The following CDKL3 variants were observed in gnomAD, a reference collection of about 807,000 sequenced individuals.
CDKL3 encodes the protein cyclin dependent kinase like 3.
In CDKL3, 65 loss-of-function variants were observed where a neutral mutation model predicts 69.3. The ratio of observed to expected loss-of-function variants is 0.94; its 90% CI spans 0.77 to 1.15. The LOEUF (loss-of-function observed/expected upper bound fraction) is 1.15, where lower values mean the gene tolerates loss of function less well. CDKL3 is among the 50% of genes most tolerant of loss of function. The pLI is 0.00. For missense variants in CDKL3, 652 were observed against 689.2 expected (o/e 0.95, Z 0.61); for synonymous variants, 202 against 221.6 (o/e 0.91, Z 0.79).
At chr5:134,353,552 A>G (rs1581192635) in intron 3 of CDKL3, among the ~76,000 whole-genome samples, 1 of 134,504 alleles carries the variant, frequency 7.4e-6, no homozygotes, top group East Asian at 2.3e-4. Context: ...TGATCATGTC[A>G]CTTTTTTTTT....
Position 134,298,657 on chromosome 5 carries a change from G to T in CDKL3, c.1773C>A (p.Phe591Leu). 2 of 1,611,600 alleles carry T rather than the reference G, an allele frequency of 1.2e-6. No individual in the cohort carries two copies. The highest frequency in any genetic ancestry group is 4.5e-5 in the East Asian group (2 of 44,822). Residue 591 changes from phenylalanine to leucine, a missense_variant, in exon 13 of 13, where the codon TTC (phenylalanine) becomes TTA (leucine). By Grantham distance (22) the Phe-to-Leu change is conservative. Coordinates refer to ENST00000265334, the MANE Select transcript of CDKL3 (RefSeq NM_001113575.2). Reference protein sequence around the residue: ...GKNLKRNRFFFW With the variant: ...GKNLKRNRFFLW ...CTATGTAAAAGAAAAGACACTACCA[G>T]AAAAAAAACCTGTTTCTCTTCAAAT...
At chr5:134,359,793 T>C (rs1561645514) in intron 3 of CDKL3, 104 bp downstream of exon 3, 2 of 796,420 alleles carry the variant, frequency 2.5e-6, no homozygotes, top group Non-Finnish European at 3.9e-6. Flanking sequence ...ATTATTATTG[T>C]ATAGAAAAAG....
downstream of CDKL3, among the ~76,000 whole-genome samples, chr5:134,283,696 A>T (rs919983090): frequency 2.6e-5 from 4 of 152,104 alleles, no homozygotes; most frequent in Admixed American, 2.6e-4. Flanking sequence ...AGAATAAATC[A>T]TGCCCTCCCA....
upstream of CDKL3, among the ~76,000 whole-genome samples, chr5:134,367,625 C>A (rs1343532000): frequency 2.0e-5 from 3 of 152,166 alleles, no homozygotes; most frequent in African/African-American, 7.2e-5. Context: ...CCGCCTGCCT[C>A]GGCCTCCCAA....
chr5:134,324,256 TA>T (rs1167806903), intron 4 of CDKL3, among the ~76,000 whole-genome samples: 1 of 152,190 alleles, frequency 6.6e-6, no homozygotes, highest in African/African-American at 2.4e-5. Context: ...AACACAAAAT[TA>T]CACAGTCACT....
At position 134,350,721 on chromosome 5, in the gene CDKL3, T is replaced by A. The variant is rs552914120; in HGVS notation, c.361-294A>T. 2.0e-5 allele frequency among the ~76,000 whole-genome samples: 3 copies of A among 151,470 alleles called. No individual in the cohort carries two copies. In the South Asian group the frequency reaches 6.2e-4, roughly 31 times the overall value. On this transcript the variant is annotated intron_variant, in intron 3 of 12. Transcript: ENST00000265334. ...GAGGCTGGGAGTGGTGGTTCATGCA[T>A]GTAAACCTAGTACTTTGGGAGGCCA...
intron 4 of CDKL3, among the ~76,000 whole-genome samples, chr5:134,348,934 T>C (rs1752584036): frequency 6.6e-6 from 1 of 152,172 alleles, no homozygotes; most frequent in South Asian, 2.1e-4. Context: ...AGAGACAGTC[T>C]GTACAGGGTA....
At chr5:134,357,451 A>G (rs1281534110) in intron 3 of CDKL3, among the ~76,000 whole-genome samples, 3 of 151,080 alleles carry the variant, frequency 2.0e-5, no homozygotes, top group African/African-American at 7.3e-5. Context: ...AATAAAATAA[A>G]ATAAAATAAA....
upstream of CDKL3, chr5:134,371,240 T>C (rs967320905): frequency 2.8e-6 from 1 of 351,162 alleles, no homozygotes; most frequent in Non-Finnish European, 5.3e-6. Context: ...CGGGATAGTG[T>C]TTCTGTTTCG....
downstream of CDKL3, among the ~76,000 whole-genome samples, chr5:134,296,813 A>ACACACACGCACG (rs1554074948): frequency 4.0e-5 from 6 of 151,214 alleles, no homozygotes; most frequent in African/African-American, 1.5e-4. Flanking sequence ...ACACACACAC[A>ACACACACGCACG]CACGCACGCA....
chr5:134,348,347 C>T (rs1752447390), intron 4 of CDKL3, among the ~76,000 whole-genome samples: 1 of 152,120 alleles, frequency 6.6e-6, no homozygotes. Flanking sequence ...TGGGCAAAAT[C>T]CTATTTTTTG....
intron 4 of CDKL3, among the ~76,000 whole-genome samples, chr5:134,328,885 C>T (rs535351147): frequency 2.1e-4 from 32 of 152,274 alleles, no homozygotes; most frequent in African/African-American, 6.0e-4. Flanking sequence ...TCAACAAAAA[C>T]GCCTATATCT....
chr5:134,344,335 G>T (rs762551786), intron 4 of CDKL3, among the ~76,000 whole-genome samples: 5 of 152,014 alleles, frequency 3.3e-5, no homozygotes, highest in Admixed American at 6.6e-5. Flanking sequence ...TCAAAAGACA[G>T]AATCAAGAAA....
upstream of CDKL3, among the ~76,000 whole-genome samples, chr5:134,370,152 G>A (rs1229805762): frequency 6.6e-6 from 1 of 152,196 alleles, no homozygotes; most frequent in African/African-American, 2.4e-5. Flanking sequence ...CAGGGGCAAG[G>A]CTGAGGCAAT....
chr5:134,301,465 G>C (rs768975648), intron 12 of CDKL3, among the ~76,000 whole-genome samples: 14 of 152,252 alleles, frequency 9.2e-5, no homozygotes, highest in Non-Finnish European at 1.2e-4. Flanking sequence ...AAGTAGCCTT[G>C]TTAAAATGCC....
chr5:134,321,706 A>T, intron 5 of CDKL3, 85 bp downstream of exon 5: 1 of 759,538 alleles, frequency 1.3e-6, no homozygotes, highest in Admixed American at 2.4e-5. Context: ...ACTTACACAG[A>T]AAAGCTAAAT....
rs11414446 is a variant in CDKL3 at position 134,306,750 on chromosome 5, CTTTTTTTTTT to C, written c.1365-58_1365-49del. 0.012 allele frequency: 2,810 copies of C among 227,944 alleles called. 99 individuals carry two copies. In the African/African-American group the frequency reaches 0.12, roughly 10 times the overall value. 14.1% of individuals were successfully genotyped at this position (227,944 alleles called of 1,614,324 possible). Reference sequence around the variant, plus strand: ...AAGTTACTAAAACTCCCCAGAAATGCTTTTTTTTTTTTTTTTTTTTTTTTGGCAGATTCTC... The same window carrying C: ...AAGTTACTAAAACTCCCCAGAAATGCTTTTTTTTTTTTTTGGCAGATTCTC... On this transcript the variant is annotated intron_variant, in intron 9 of 12. Coordinates refer to ENST00000265334, the MANE Select transcript of CDKL3 (RefSeq NM_001113575.2).
intron 4 of CDKL3, among the ~76,000 whole-genome samples, chr5:134,342,434 T>TA (rs958167954): frequency 2.0e-5 from 3 of 151,564 alleles, no homozygotes; most frequent in Non-Finnish European, 4.4e-5. Flanking sequence ...CCATCTCTAC[T>TA]AAAAAAATAC....
At chr5:134,307,945 A>G (rs1768325619) in intron 9 of CDKL3, 193 bp downstream of exon 9, 1 of 773,170 alleles carries the variant, frequency 1.3e-6, no homozygotes, top group Non-Finnish European at 1.8e-6. Flanking sequence ...TTAAACATCT[A>G]TATGGCCAAG....
Sources: allele counts gnomAD v4.1 joint callset (sites outside exome capture counted in the v4.1 genomes callset), GRCh38; gene constraint gnomAD v4.1.1; transcripts MANE v1.5; gene names NCBI Gene and HGNC (gene_info 2026-07-23, HGNC 2026-07-21).